KIDINS220: variants seen among roughly 807,000 people sequenced by gnomAD.
KIDINS220 encodes the protein kinase D-interacting substrate of 220 kDa.
Under a neutral mutation model 157.6 loss-of-function variants are expected in KIDINS220, and 63 were observed. The observed-to-expected ratio is 0.40, with a 90% CI of 0.33 to 0.49. The LOEUF is 0.49. Ranked by LOEUF, KIDINS220 falls within the 20% of genes least tolerant of loss-of-function variation. The pLI, the probability that KIDINS220 is intolerant of heterozygous loss-of-function variation, is 0.66. For synonymous variants in KIDINS220, 732 were observed against 783.6 expected, an observed-to-expected ratio of 0.93 and a Z score of 1.10; for missense variants, 1,772 against 2,171.2, an observed-to-expected ratio of 0.82 and a Z score of 3.65.
chr2:8,750,093 C>T lies in KIDINS220; in HGVS notation c.3414+19G>A. 2 of 1,594,714 alleles carry T rather than the reference C, an allele frequency of 1.3e-6. No homozygotes were observed. Among genetic ancestry groups the T allele is most frequent in the Non-Finnish European group, 1.7e-6 (2 of 1,166,324 alleles). ...CTGTAACAAATTCTTAAAAATAAAG[C>T]TGCCTCCAACTTCCTTACCCTGTTG... On this transcript the variant is annotated intron_variant, in intron 24 of 29. Coordinates refer to ENST00000256707, the MANE Select transcript of KIDINS220 (RefSeq NM_020738.4).
chr2:8,816,302 T>C (rs62104392), intron 4 of KIDINS220, among the ~76,000 whole-genome samples: 69,191 of 152,090 alleles, frequency 0.45, 18,313 homozygotes, highest in East Asian at 0.6. Flanking sequence ...GAGAAAGCCT[T>C]TGGAGCAGGG....
At chr2:8,735,985 T>A (rs1664803770) in intron 27 of KIDINS220, among the ~76,000 whole-genome samples, 1 of 152,172 alleles carries the variant, frequency 6.6e-6, no homozygotes, top group African/African-American at 2.4e-5. Flanking sequence ...AAGTGGGGCT[T>A]ATCCATGGAA....
chr2:8,823,278 A>G (rs993390135), intron 2 of KIDINS220, among the ~76,000 whole-genome samples: 1 of 152,134 alleles, frequency 6.6e-6, no homozygotes, highest in Non-Finnish European at 1.5e-5. Flanking sequence ...AATTGATCTA[A>G]TACTTAAGAA....
chr2:8,753,724 A>G (rs1667654241), intron 22 of KIDINS220, among the ~76,000 whole-genome samples: 1 of 152,234 alleles, frequency 6.6e-6, no homozygotes, highest in Non-Finnish European at 1.5e-5. Context: ...AGTAACAGTT[A>G]TATCATTTCT....
chr2:8,789,704 G>C (rs891066324), intron 14 of KIDINS220, among the ~76,000 whole-genome samples, 176 bp downstream of exon 14: 10 of 152,204 alleles, frequency 6.6e-5, no homozygotes, highest in African/African-American at 2.4e-4. Flanking sequence ...CTTCAGCCAA[G>C]TTGTGAGCAA....
intron 20 of KIDINS220, 91 bp downstream of exon 20, chr2:8,778,548 T>C (rs1671277637): frequency 2.2e-6 from 2 of 890,508 alleles, no homozygotes; most frequent in South Asian, 2.7e-5. Context: ...TAATGCAATA[T>C]TTACAAAGTA....
At chr2:8,782,540 T>C (rs1671855596) in intron 17 of KIDINS220, among the ~76,000 whole-genome samples, 2 of 152,188 alleles carry the variant, frequency 1.3e-5, no homozygotes, top group Non-Finnish European at 2.9e-5. Flanking sequence ...TAATAATTTT[T>C]CAAAACAGAA....
intron 12 of KIDINS220, among the ~76,000 whole-genome samples, chr2:8,793,404 G>C (rs1164452741): frequency 6.6e-6 from 1 of 152,170 alleles, no homozygotes; most frequent in Non-Finnish European, 1.5e-5. Flanking sequence ...GCTGAGGTGG[G>C]AGCATCGCTT....
intron 6 of KIDINS220, among the ~76,000 whole-genome samples, chr2:8,807,675 C>T (rs915701836): frequency 6.6e-6 from 1 of 152,176 alleles, no homozygotes; most frequent in Non-Finnish European, 1.5e-5. Context: ...CCTGGACAGG[C>T]TTCCCAGATG....
intron 22 of KIDINS220, among the ~76,000 whole-genome samples, chr2:8,758,842 G>C (rs1042924449): frequency 1.3e-5 from 2 of 152,150 alleles, no homozygotes; most frequent in African/African-American, 4.8e-5. Context: ...TAGGGGGTCA[G>C]AAAGTAGACA....
At chr2:8,808,665 T>C (rs1044566390) in intron 6 of KIDINS220, among the ~76,000 whole-genome samples, 8 of 152,232 alleles carry the variant, frequency 5.3e-5, no homozygotes, top group Non-Finnish European at 1.2e-4. Context: ...CCCTTCTCAA[T>C]CTAATCCCTT....
At chr2:8,823,953 A>G (rs1678377869) in intron 2 of KIDINS220, among the ~76,000 whole-genome samples, 1 of 151,668 alleles carries the variant, frequency 6.6e-6, no homozygotes. Flanking sequence ...ATTATCATTA[A>G]ATAAATTTTA....
intron 7 of KIDINS220, 55 bp downstream of exon 7, chr2:8,806,216 T>C (rs1194332372): frequency 7.6e-7 from 1 of 1,311,830 alleles, no homozygotes; most frequent in Non-Finnish European, 1.1e-6. Context: ...AAATTCTCTC[T>C]CTTAAAATAA....
At chr2:8,783,773 T>C (rs539843031) in intron 17 of KIDINS220, among the ~76,000 whole-genome samples, 1 of 152,256 alleles carries the variant, frequency 6.6e-6, no homozygotes, top group African/African-American at 2.4e-5. Context: ...AAGATCTATA[T>C]GAGAAAAACC....
At chr2:8,819,688 G>A (rs1677624803) in intron 2 of KIDINS220, among the ~76,000 whole-genome samples, 1 of 151,916 alleles carries the variant, frequency 6.6e-6, no homozygotes, top group Non-Finnish European at 1.5e-5. Flanking sequence ...AGCCAGACGT[G>A]GTAGCACACG....
At chr2:8,805,589 T>A (rs1675329578) in intron 7 of KIDINS220, among the ~76,000 whole-genome samples, 1 of 152,144 alleles carries the variant, frequency 6.6e-6, no homozygotes, top group African/African-American at 2.4e-5. Flanking sequence ...TAACCAAAGA[T>A]ACTCTTATTG....
chr2:8,792,286 T>G (rs146728763), intron 12 of KIDINS220, among the ~76,000 whole-genome samples: 1 of 152,280 alleles, frequency 6.6e-6, no homozygotes, highest in East Asian at 1.9e-4. Context: ...AACTTTTGAA[T>G]GAGGAATAAA....
intron 27 of KIDINS220, 44 bp downstream of exon 27, chr2:8,736,824 G>T: frequency 2.5e-6 from 4 of 1,606,550 alleles, no homozygotes; most frequent in Non-Finnish European, 3.4e-6. Context: ...CCTGTCTTCC[G>T]CCCCCAGCGC....
rs1426382105 is a variant in KIDINS220 at position 8,730,319 on chromosome 2, A to ACGTCTT, written c.*395_*400dup. 5.0e-6 allele frequency: 5 copies of ACGTCTT among 1,005,194 alleles called. No homozygotes were observed. The African/African-American group carries it at 8.7e-5, about 17-fold the overall frequency. The allele number at this position is 1,005,194 out of a possible 1,614,324, so 62.3% of individuals were successfully genotyped here. On this transcript the variant is annotated 3_prime_UTR_variant, in exon 30 of 30. Coordinates refer to ENST00000256707, the MANE Select transcript of KIDINS220 (RefSeq NM_020738.4). ...GTTTGCTTCTGCTTCACCTAACGCC[A>ACGTCTT]CGTCTTCCCTCAAATGTGTGGTCAC...
Sources: allele counts gnomAD v4.1 joint callset (sites outside exome capture counted in the v4.1 genomes callset), GRCh38; gene constraint gnomAD v4.1.1; transcripts MANE v1.5; gene names NCBI Gene and HGNC (gene_info 2026-07-23, HGNC 2026-07-21).